Variants in PHLDB3 observed in about 807,000 individuals in gnomAD.
PHLDB3 encodes pleckstrin homology like domain family B member 3, also known as pleckstrin homology-like domain family B member 3.
A neutral mutation model predicts 85.7 loss-of-function variants in PHLDB3; 86 were observed. The observed-to-expected ratio is 1.00, with a 90% CI of 0.84 to 1.20. The LOEUF is 1.20. PHLDB3 is among the 50% of genes most tolerant of loss of function. PHLDB3 has a pLI of 0.00. For synonymous variants in PHLDB3, 376 were observed against 349.8 expected, an observed-to-expected ratio of 1.07 and a Z score of -0.83; for missense variants, 995 against 873.0, an observed-to-expected ratio of 1.14 and a Z score of -1.76.
At chr19:43,489,867 C>T (rs777714051) in intron 9 of PHLDB3, among the ~76,000 whole-genome samples, 4 of 151,576 alleles carry the variant, frequency 2.6e-5, no homozygotes, top group South Asian at 2.1e-4. Flanking sequence ...ATAAGCTGGG[C>T]GTGGTGGTGG....
At position 43,475,283 on chromosome 19, in the gene PHLDB3, G is replaced by A. The variant is rs1281154769; in HGVS notation, c.*127C>T. 6 of 1,316,960 alleles carry A rather than the reference G, an allele frequency of 4.6e-6. No individual in the cohort carries two copies. The highest frequency in any genetic ancestry group is 6.1e-6 in the Non-Finnish European group (6 of 976,880). The allele number at this position is 1,316,960 out of a possible 1,614,324, so 81.6% of individuals were successfully genotyped here. A position where few individuals can be genotyped will look rare whatever the true frequency, so the allele number is the denominator to read the frequency against. ...AGGCCAGCTGAACTGCCGCGCCTGC[G>A]GAATTCCCGGGAGAGTTCCAAAGCG... On this transcript the variant is annotated 3_prime_UTR_variant, in exon 16 of 16. Coordinates refer to ENST00000292140, the MANE Select transcript of PHLDB3 (RefSeq NM_198850.4).
In PHLDB3 at chr19:43,486,623, G is replaced by A. The variant is rs756260798; in HGVS notation, c.1414C>T (p.Leu472=). 5.0e-6 allele frequency: 8 copies of A among 1,613,338 alleles called. No homozygotes were observed. In the Admixed American group the frequency reaches 6.7e-5, roughly 13 times the overall value. ...LQQAMAERER[L]LKAREGTRRG... ...TGGGCTCTCACCCGGGCCTTGAGCAGCCGCTCCCTCTCCGCCATGGCCTGC... is the reference window on the plus strand; with the variant it reads ...TGGGCTCTCACCCGGGCCTTGAGCAACCGCTCCCTCTCCGCCATGGCCTGC... The change falls in exon 12 of 16, where the codon CTG becomes TTG. Residue 472 remains leucine, a synonymous_variant. Coordinates refer to ENST00000292140, the MANE Select transcript of PHLDB3 (RefSeq NM_198850.4).
chr19:43,493,608 G>A (rs1489129468), intron 9 of PHLDB3, among the ~76,000 whole-genome samples: 1 of 150,652 alleles, frequency 6.6e-6, no homozygotes, highest in Non-Finnish European at 1.5e-5. Flanking sequence ...CTCTAGCCTG[G>A]GCAACAGAGT....
rs1347329429 is a variant in PHLDB3 at position 43,475,222 on chromosome 19, G to T, written c.*188C>A. 2.7e-6 allele frequency: 2 copies of T among 746,978 alleles called. No homozygotes were observed. Among genetic ancestry groups the T allele is most frequent in the Non-Finnish European group, 4.2e-6 (2 of 481,084 alleles). 46.3% of individuals were successfully genotyped at this position (746,978 alleles called of 1,614,324 possible). A position where few individuals can be genotyped will look rare whatever the true frequency, so the allele number is the denominator to read the frequency against. On this transcript the variant is annotated 3_prime_UTR_variant, in exon 16 of 16. Coordinates refer to ENST00000292140, the MANE Select transcript of PHLDB3 (RefSeq NM_198850.4). ...GCCTTAGGGGCCGGCGATCCCGTCG[G>T]GGGCAAGGCACCTGCAACCCAGAAC...
In PHLDB3 at chr19:43,475,353, C is replaced by T; in HGVS notation, c.*57G>A. 2.5e-6 allele frequency: 4 copies of T among 1,595,440 alleles called. No individual in the cohort carries two copies. The highest frequency in any genetic ancestry group is 3.4e-6 in the Non-Finnish European group (4 of 1,169,470). On this transcript the variant is annotated 3_prime_UTR_variant, in exon 16 of 16. Transcript: ENST00000292140. Reference sequence around the variant, plus strand: ...CAGTGGGCGGGGCCTAGGAACGCCCCCGCGCCCCGCGCCGGCGGAGCCTCG... The same window carrying T: ...CAGTGGGCGGGGCCTAGGAACGCCCTCGCGCCCCGCGCCGGCGGAGCCTCG...
rs775459194 is a variant in PHLDB3 at position 43,494,800 on chromosome 19, T to C, written c.1051A>G (p.Lys351Glu). ...PALTKLLFTQ[K>E]TDRQLLVLQD... ...AGCACCAGCAGCTGGCGGTCTGTCT[T>C]CTGGGTGAACAGCAGCTGCAAGAGA... Residue 351 changes from lysine (K) to glutamate (E), a missense_variant, in exon 9 of 16, where the codon AAG becomes GAG. Physicochemically the swap from Lys to Glu is moderately conservative, Grantham distance 56. Coordinates refer to ENST00000292140, the MANE Select transcript of PHLDB3 (RefSeq NM_198850.4). 1.2e-6 allele frequency: 2 copies of C among 1,612,358 alleles called. No homozygotes were observed. Among genetic ancestry groups the C allele is most frequent in the Non-Finnish European group, 1.7e-6 (2 of 1,179,444 alleles).
intron 13 of PHLDB3, among the ~76,000 whole-genome samples, chr19:43,485,266 G>A (rs1703412885): frequency 6.6e-6 from 1 of 151,444 alleles, no homozygotes; most frequent in African/African-American, 2.4e-5. Flanking sequence ...AGACTGGAGT[G>A]CAGTGGTGTG....
chr19:43,486,642 G>A lies in PHLDB3; in HGVS notation c.1395C>T (p.Ala465=). ...IAHMERLLQQ[A]MAERERLLKA... ...TGAGCAGCCGCTCCCTCTCCGCCAT[G>A]GCCTGCTGCAGGAGCCGCTCCATGT... is the stretch of plus-strand genomic sequence containing the variant. Residue 465 remains alanine, a synonymous_variant, in exon 12 of 16, where the codon GCC becomes GCT. Transcript: ENST00000292140. 3 of 1,613,936 alleles carry A rather than the reference G, an allele frequency of 1.9e-6. No homozygotes were observed. Among genetic ancestry groups the A allele is most frequent in the Non-Finnish European group, 2.5e-6 (3 of 1,179,848 alleles).
Position 43,494,789 on chromosome 19 carries a change from G to T in PHLDB3, c.1062C>A (p.Arg354=). The change falls in exon 9 of 16, where the codon CGC becomes CGA. Residue 354 remains arginine (R), a synonymous_variant. Coordinates refer to ENST00000292140, the MANE Select transcript of PHLDB3 (RefSeq NM_198850.4). ...TKLLFTQKTD[R]QLLVLQDAVA... is the part of the protein sequence containing the mutation. ...CGGCATCCTGGAGCACCAGCAGCTGGCGGTCTGTCTTCTGGGTGAACAGCA... is the reference window on the plus strand; with the variant it reads ...CGGCATCCTGGAGCACCAGCAGCTGTCGGTCTGTCTTCTGGGTGAACAGCA... The T allele has an allele frequency of 1.4e-5, 22 of 1,613,060 alleles. No homozygotes were observed. Among genetic ancestry groups the T allele is most frequent in the Non-Finnish European group, 1.9e-5 (22 of 1,179,684 alleles).
intron 13 of PHLDB3, among the ~76,000 whole-genome samples, chr19:43,480,734 G>C (rs113182564): frequency 1.1e-4 from 16 of 152,252 alleles, no homozygotes; most frequent in African/African-American, 3.6e-4. Flanking sequence ...ATTTATCTCC[G>C]TTTCACAGAT....
chr19:43,475,655 A>G, intron 15 of PHLDB3, 111 bp from the exon 16 acceptor site: 3 of 1,357,602 alleles, frequency 2.2e-6, no homozygotes, highest in Non-Finnish European at 3.0e-6. Context: ...AAGGTACTTA[A>G]GTATCTGAAT....
chr19:43,485,683 A>C (rs561173624), intron 13 of PHLDB3, among the ~76,000 whole-genome samples: 17 of 150,424 alleles, frequency 1.1e-4, no homozygotes, highest in African/African-American at 3.9e-4. Context: ...CAGTCTCCCG[A>C]GTAGCTGGGA....
chr19:43,477,160 T>C (rs1359423089), intron 15 of PHLDB3, among the ~76,000 whole-genome samples: 1 of 152,132 alleles, frequency 6.6e-6, no homozygotes, highest in African/African-American at 2.4e-5. Flanking sequence ...ACCTCTCCAT[T>C]CATTTATTCC....
In PHLDB3 at chr19:43,486,850, G is replaced by C. The variant is rs753664131; in HGVS notation, c.1270C>G (p.Leu424Val). The change falls in exon 11 of 16, where the codon CTC becomes GTC. Residue 424 changes from leucine (L) to valine (V), a missense_variant. Leu to Val is a conservative substitution (Grantham distance 32, BLOSUM62 1). Coordinates refer to ENST00000292140, the MANE Select transcript of PHLDB3 (RefSeq NM_198850.4). Reference sequence around the variant, plus strand: ...CCGGAGTCCCCCACTGCTGGCGGGAGAGCTGAGGCCTCCAGGGATTCTAGG... The same window carrying C: ...CCGGAGTCCCCCACTGCTGGCGGGACAGCTGAGGCCTCCAGGGATTCTAGG... ...HCTESLEASA[L>V]PPAVGDSGRY... is the part of the protein sequence containing the mutation. The C allele has an allele frequency of 1.9e-6, 3 of 1,569,964 alleles. No individual in the cohort carries two copies. The highest frequency in any genetic ancestry group is 1.8e-5 in the Admixed American group (1 of 55,966).
intron 2 of PHLDB3, 147 bp from the exon 3 acceptor site, chr19:43,502,430 G>A: frequency 5.8e-6 from 4 of 687,850 alleles, no homozygotes; most frequent in Non-Finnish European, 9.0e-6. Flanking sequence ...ATAATCTGTC[G>A]CAGGCTCTTT....
At chr19:43,483,479 A>G (rs758412020) in intron 13 of PHLDB3, among the ~76,000 whole-genome samples, 2 of 152,032 alleles carry the variant, frequency 1.3e-5, no homozygotes, top group African/African-American at 2.4e-5. Flanking sequence ...GGGTCTGACT[A>G]TGTTGCCCAG....
chr19:43,497,772 C>G lies in PHLDB3; in HGVS notation c.639G>C (p.Glu213Asp), dbSNP rs1399387425. The G allele has an allele frequency of 6.4e-7, 1 of 1,553,052 alleles. No individual in the cohort carries two copies. The highest frequency in any genetic ancestry group is 2.0e-5 in the Admixed American group (1 of 51,074). ...CCTCCTGCACACCCTGCAGAAGCCG[C>G]TCGCGTTGGTCCTCTGGCTGTGAGT... ...QLDSQPEDQR[E>D]RLLQGVQEMR... The change falls in exon 5 of 16, where the codon GAG becomes GAC. Residue 213 changes from glutamate to aspartate, a missense_variant. Transcript: ENST00000292140.
chr19:43,504,193 C>T (rs1000158147), intron 1 of PHLDB3, 61 bp from the exon 2 acceptor site: 6 of 1,434,268 alleles, frequency 4.2e-6, no homozygotes, highest in Non-Finnish European at 4.6e-6. Flanking sequence ...GAGCGCCGCT[C>T]GCGTCTGCTC....
intron 4 of PHLDB3, among the ~76,000 whole-genome samples, chr19:43,501,333 G>A (rs1490083519): frequency 6.6e-6 from 1 of 151,740 alleles, no homozygotes; most frequent in African/African-American, 2.4e-5. Flanking sequence ...ACAGGCGCCC[G>A]CCACCACGCC....
Sources: gnomAD v4.1 joint callset for allele counts (sites outside exome capture counted in the v4.1 genomes callset) on GRCh38, gnomAD v4.1.1 for gene constraint, MANE v1.5 for transcripts, NCBI Gene and HGNC (gene_info 2026-07-23, HGNC 2026-07-21) for gene names.